THNSL1: variants seen among roughly 807,000 people sequenced by gnomAD.
THNSL1 encodes threonine synthase like 1.
In THNSL1, 48 loss-of-function variants were observed where a neutral mutation model predicts 50.4. That is an observed-to-expected ratio of 0.95 (90% CI 0.76 to 1.21). THNSL1 has a LOEUF of 1.21. Among genes scored for constraint, THNSL1 ranks in the 50% most tolerant of loss-of-function variants. THNSL1 has a pLI of 0.00. For missense variants in THNSL1, 896 were observed against 871.7 expected (o/e 1.03, Z -0.35); for synonymous variants, 309 against 306.1 (o/e 1.01, Z -0.10).
At chr10:24,984,566 G>A in the THNSL1 span, 1 of 1,026,532 alleles carries the variant, frequency 9.7e-7, no homozygotes, top group Non-Finnish European at 1.4e-6. Flanking sequence ...ATTTCTTCTT[G>A]TGTAAGTGAA....
chr10:24,962,302 G>C, the THNSL1 span, among the ~76,000 whole-genome samples: 1 of 152,046 alleles, frequency 6.6e-6, no homozygotes, highest in African/African-American at 2.4e-5. Flanking sequence ...AATAGTGATG[G>C]GTTCTGAATT....
the THNSL1 span, among the ~76,000 whole-genome samples, chr10:25,005,693 C>G: frequency 6.6e-6 from 1 of 152,164 alleles, no homozygotes; most frequent in African/African-American, 2.4e-5. Context: ...AATTCAGGCT[C>G]ATGTCTATAT....
the THNSL1 span, among the ~76,000 whole-genome samples, chr10:24,976,807 A>G: frequency 6.6e-6 from 1 of 152,144 alleles, no homozygotes; most frequent in Admixed American, 6.5e-5. Context: ...AAGCATTCTT[A>G]CTAGTTAGTA....
chr10:24,987,034 T>A, the THNSL1 span, among the ~76,000 whole-genome samples: 1 of 152,198 alleles, frequency 6.6e-6, no homozygotes, highest in East Asian at 1.9e-4. Context: ...CTCCACCTTG[T>A]GGGGTGCTCC....
At chr10:25,010,304 G>A in the THNSL1 span, among the ~76,000 whole-genome samples, 1 of 152,118 alleles carries the variant, frequency 6.6e-6, no homozygotes, top group South Asian at 2.1e-4. Flanking sequence ...GTGGAACTTC[G>A]AATTTGAGAG....
chr10:24,952,645 G>A, the THNSL1 span: 6 of 1,316,930 alleles, frequency 4.6e-6, no homozygotes, highest in Non-Finnish European at 6.4e-6. The surrounding 1 kb of genome is among the most constrained non-coding windows in gnomAD (Gnocchi z 5.1). Context: ...GCTGCGTGGG[G>A]GATGGGACGT....
the THNSL1 span, among the ~76,000 whole-genome samples, chr10:24,969,839 C>T: frequency 3.9e-5 from 6 of 152,184 alleles, no homozygotes; most frequent in African/African-American, 1.2e-4. Flanking sequence ...GCTTGATTGC[C>T]TTAGAAAAAA....
the THNSL1 span, among the ~76,000 whole-genome samples, chr10:24,962,762 C>T: frequency 3.3e-5 from 5 of 152,102 alleles, no homozygotes; most frequent in East Asian, 1.9e-4. Flanking sequence ...TTCTCTTCTG[C>T]GTCTTAGCTC....
chr10:25,005,434 C>T, the THNSL1 span, among the ~76,000 whole-genome samples: 2 of 152,066 alleles, frequency 1.3e-5, no homozygotes, highest in African/African-American at 4.8e-5. Flanking sequence ...ACTCAAAAAG[C>T]TGGGATAGTT....
At chr10:24,984,329 G>C in the THNSL1 span, 1 of 1,547,930 alleles carries the variant, frequency 6.5e-7, no homozygotes, top group Non-Finnish European at 8.7e-7. Context: ...ACTATTTCCA[G>C]TTCAAAATAC....
chr10:24,967,412 C>A, the THNSL1 span, among the ~76,000 whole-genome samples: 2 of 152,292 alleles, frequency 1.3e-5, no homozygotes, highest in Admixed American at 1.3e-4. Flanking sequence ...TGAGAATAAA[C>A]CCCCAAATGA....
At chr10:24,967,965 A>G in the THNSL1 span, among the ~76,000 whole-genome samples, 3 of 141,036 alleles carry the variant, frequency 2.1e-5, no homozygotes, top group Non-Finnish European at 4.7e-5. Context: ...ATGTGTGTGT[A>G]TGTATGATGT....
chr10:25,008,339 A>G, the THNSL1 span, among the ~76,000 whole-genome samples: 3 of 152,222 alleles, frequency 2.0e-5, no homozygotes, highest in Admixed American at 2.0e-4. Context: ...CTTGGCTGTA[A>G]TTAGTTAGCA....
the THNSL1 span, among the ~76,000 whole-genome samples, chr10:24,996,974 C>T: frequency 2.0e-5 from 3 of 152,138 alleles, no homozygotes; most frequent in Admixed American, 1.3e-4. Flanking sequence ...GAAATTTGAA[C>T]ACAGACATAC....
Position 25,023,953 on chromosome 10 carries a change from CAG to C in THNSL1, c.732_733del (p.Lys245GlyfsTer7), listed in dbSNP as rs1850780904. On this transcript the variant is annotated frameshift_variant, in exon 3 of 3. Coordinates refer to ENST00000376356, the MANE Select transcript of THNSL1 (RefSeq NM_024838.5). LOFTEE classifies it high-confidence loss of function. ...TRHVWPEDCE[Q>X]KVSAKFFSEA... ...ACACGTTTGGCCTGAAGACTGTGAA[CAG>C]AAGGTTTCAGCAAAATTCTTTAGTG... 1 of 1,614,170 alleles carries C rather than the reference CAG, an allele frequency of 6.2e-7. No individual in the cohort carries two copies. The highest frequency in any genetic ancestry group is 8.5e-7 in the Non-Finnish European group (1 of 1,180,020).
the THNSL1 span, chr10:24,983,500 C>T: frequency 6.6e-6 from 1 of 152,198 alleles, no homozygotes; most frequent in Admixed American, 6.5e-5. Flanking sequence ...AAATAGCAAC[C>T]AACCATTCTT....
At chr10:24,969,145 C>T in the THNSL1 span, among the ~76,000 whole-genome samples, 1,059 of 152,274 alleles carry the variant, frequency 7.0e-3, 5 homozygotes, top group African/African-American at 0.022. Context: ...CCACCCGCCG[C>T]GGCCTGTCGA....
chr10:24,984,933 A>G, the THNSL1 span: 1 of 1,570,646 alleles, frequency 6.4e-7, no homozygotes, highest in East Asian at 2.2e-5. Context: ...ACTTGTAAAT[A>G]CCAAAGCAAA....
chr10:24,964,926 G>T, the THNSL1 span, among the ~76,000 whole-genome samples: 2 of 152,098 alleles, frequency 1.3e-5, no homozygotes, highest in Non-Finnish European at 2.9e-5. Context: ...AGCTGGTCAT[G>T]GTGGTGCACA....
Sources: gnomAD v4.1 joint callset for allele counts (sites outside exome capture counted in the v4.1 genomes callset) on GRCh38, gnomAD v4.1.1 for gene constraint, Gnocchi (gnomAD v3.1) non-coding constraint, MANE v1.5 for transcripts, NCBI Gene and HGNC (gene_info 2026-07-23, HGNC 2026-07-21) for gene names.